SH3GL2: variants seen among roughly 807,000 people sequenced by gnomAD.
SH3GL2 encodes the protein SH3 domain containing GRB2 like 2, endophilin A1, also known as endophilin-A1.
Under a neutral mutation model 46.0 loss-of-function variants are expected in SH3GL2, and 24 were observed. The ratio of observed to expected loss-of-function variants is 0.52; its 90% CI spans 0.38 to 0.73. The LOEUF is 0.73. SH3GL2 is among the 30% of genes least tolerant of loss of function. The pLI is 0.00. For missense variants in SH3GL2, 413 were observed against 424.2 expected (o/e 0.97, Z 0.23); for synonymous variants, 196 against 147.1 (o/e 1.33, Z -2.40).
intron 3 of SH3GL2, among the ~76,000 whole-genome samples, chr9:17,772,616 T>G (rs1469053871): frequency 1.3e-5 from 2 of 152,218 alleles, no homozygotes. Context: ...TGTGACGGCT[T>G]TATTTCACTT....
intron 1 of SH3GL2, among the ~76,000 whole-genome samples, chr9:17,594,627 C>G (rs1418845240): frequency 6.6e-6 from 1 of 151,940 alleles, no homozygotes; most frequent in Non-Finnish European, 1.5e-5. Context: ...GCACATGTAT[C>G]CTGGAACTTA....
At chr9:17,722,185 G>T (rs1821911873) in intron 1 of SH3GL2, among the ~76,000 whole-genome samples, 1 of 152,024 alleles carries the variant, frequency 6.6e-6, no homozygotes, top group Non-Finnish European at 1.5e-5. Flanking sequence ...GGCTTTTTGG[G>T]CTTCCTGTCT....
chr9:17,612,123 G>C (rs1381713541), intron 1 of SH3GL2, among the ~76,000 whole-genome samples: 1 of 152,142 alleles, frequency 6.6e-6, no homozygotes, highest in Non-Finnish European at 1.5e-5. Flanking sequence ...TGTCTGTATG[G>C]GGGAAAGTCC....
rs534085666 is a variant in SH3GL2 at position 17,787,619 on chromosome 9, C to T, written c.465+106C>T. 39 of 848,798 alleles carry T rather than the reference C, an allele frequency of 4.6e-5. No homozygotes were observed. In the Middle Eastern group the frequency reaches 1.2e-3, roughly 25 times the overall value. 52.6% of individuals were successfully genotyped at this position (848,798 alleles called of 1,614,324 possible). A position where few individuals can be genotyped will look rare whatever the true frequency, so the allele number is the denominator to read the frequency against. On this transcript the variant is annotated intron_variant, in intron 5 of 8. Transcript: ENST00000380607. Reference sequence around the variant, plus strand: ...TTTAGCTTACCCTGTGTGTTGTCAGCTCTGGGCACGTTAATTACAAAACAA... The same window carrying T: ...TTTAGCTTACCCTGTGTGTTGTCAGTTCTGGGCACGTTAATTACAAAACAA...
rs560060479 is a variant in SH3GL2 at position 17,736,371 on chromosome 9, G to A, written c.46-10695G>A. On this transcript the variant is annotated intron_variant, in intron 1 of 8. Coordinates refer to ENST00000380607, the MANE Select transcript of SH3GL2 (RefSeq NM_003026.5). ...TTGGTCCTAATTTGTCAGTAAACAG[G>A]ACTTTTATTTCCTCCATAGAGAAGT... is the stretch of plus-strand genomic sequence containing the variant. Among the ~76,000 whole-genome samples, 95 of 152,146 alleles carry A rather than the reference G, an allele frequency of 6.2e-4. 1 individual carries two copies. Among genetic ancestry groups the A allele is most frequent in the Middle Eastern group, 3.4e-3 (1 of 294 alleles).
intron 1 of SH3GL2, among the ~76,000 whole-genome samples, chr9:17,688,173 T>G (rs1374016953): frequency 3.3e-5 from 5 of 152,090 alleles, no homozygotes; most frequent in Non-Finnish European, 5.9e-5. Context: ...CATGTCGAGG[T>G]GTACCAAGAT....
chr9:17,622,843 A>C (rs565609596), intron 1 of SH3GL2, among the ~76,000 whole-genome samples: 1 of 152,216 alleles, frequency 6.6e-6, no homozygotes, highest in Admixed American at 6.5e-5. Flanking sequence ...CATGAAAACC[A>C]AGACTCAAAG....
chr9:17,791,276 G>A lies in SH3GL2; in HGVS notation c.670G>A (p.Glu224Lys). Residue 224 changes from glutamate (E) to lysine (K), a missense_variant, in exon 7 of 9, where the codon GAG (glutamate) becomes AAG (lysine). This residue lies in a region of SH3GL2 where 248 missense variants were observed against 215.0 expected (regional missense o/e 1.15). Transcript: ENST00000380607. ...CTCTGCACTTGTGCAAGCTCAGCTG[G>A]AGTACCACAAGCAGGCAGTCCAGAT... Reference protein sequence around the residue: ...QLSALVQAQLEYHKQAVQILQ... With the variant: ...QLSALVQAQLKYHKQAVQILQ... 6.2e-7 allele frequency: 1 copy of A among 1,613,780 alleles called. No individual in the cohort carries two copies. Among genetic ancestry groups the A allele is most frequent in the South Asian group, 1.1e-5 (1 of 91,062 alleles).
chr9:17,707,358 A>G (rs928038558), intron 1 of SH3GL2, among the ~76,000 whole-genome samples: 10 of 151,936 alleles, frequency 6.6e-5, no homozygotes, highest in African/African-American at 1.9e-4. Context: ...CTCACTAGCT[A>G]TCTTCTAGGT....
chr9:17,634,327 A>G (rs899764100), intron 1 of SH3GL2, among the ~76,000 whole-genome samples: 1 of 152,226 alleles, frequency 6.6e-6, no homozygotes, highest in Non-Finnish European at 1.5e-5. Flanking sequence ...ACTATGAGAA[A>G]TCAGAAAAAT....
At chr9:17,629,223 A>G (rs1168077468) in intron 1 of SH3GL2, among the ~76,000 whole-genome samples, 2 of 152,224 alleles carry the variant, frequency 1.3e-5, no homozygotes, top group Non-Finnish European at 2.9e-5. Context: ...TTGTGTAGTC[A>G]TTAAACAAAG....
At chr9:17,733,593 C>T (rs1822242047) in intron 1 of SH3GL2, among the ~76,000 whole-genome samples, 1 of 150,516 alleles carries the variant, frequency 6.6e-6, no homozygotes, top group South Asian at 2.2e-4. Flanking sequence ...CTAGAAATAC[C>T]ATTTGACCCA....
intron 1 of SH3GL2, among the ~76,000 whole-genome samples, chr9:17,703,285 C>G (rs1821382066): frequency 6.6e-6 from 1 of 151,958 alleles, no homozygotes; most frequent in Non-Finnish European, 1.5e-5. Flanking sequence ...GAGTGAATCT[C>G]TTTTCATAAA....
intron 1 of SH3GL2, among the ~76,000 whole-genome samples, chr9:17,698,306 A>G (rs11789011): frequency 0.076 from 11,583 of 152,152 alleles, 622 homozygotes; most frequent in Admixed American, 0.14. Flanking sequence ...GGTCCAAGCC[A>G]TATTGTCAGT....
chr9:17,789,991 A>G (rs1563855628), intron 6 of SH3GL2, among the ~76,000 whole-genome samples: 1 of 152,306 alleles, frequency 6.6e-6, no homozygotes, highest in South Asian at 2.1e-4. Context: ...GGGAAGATAA[A>G]GGATATTTCT....
intron 1 of SH3GL2, among the ~76,000 whole-genome samples, chr9:17,617,615 T>G (rs1430466088): frequency 6.6e-6 from 1 of 152,210 alleles, no homozygotes; most frequent in African/African-American, 2.4e-5. Flanking sequence ...TGTTAACATC[T>G]TTCGAGACAG....
intron 1 of SH3GL2, among the ~76,000 whole-genome samples, chr9:17,605,874 G>A (rs146750627): frequency 9.3e-4 from 141 of 152,188 alleles, no homozygotes; most frequent in African/African-American, 3.3e-3. Flanking sequence ...ATGCCTTCCT[G>A]TATGGGTGTG....
chr9:17,772,729 A>G (rs1424274701), intron 3 of SH3GL2, among the ~76,000 whole-genome samples: 1 of 152,316 alleles, frequency 6.6e-6, no homozygotes, highest in East Asian at 1.9e-4. Flanking sequence ...TGCAATTTTT[A>G]TATAGATTCA....
intron 3 of SH3GL2, among the ~76,000 whole-genome samples, chr9:17,779,650 A>G (rs1385137699): frequency 6.6e-6 from 1 of 152,194 alleles, no homozygotes; most frequent in Non-Finnish European, 1.5e-5. Context: ...AACCACTGGA[A>G]GAAAACTGTT....
Sources: allele counts gnomAD v4.1 joint callset (sites outside exome capture counted in the v4.1 genomes callset), GRCh38; gene constraint gnomAD v4.1.1; regional missense constraint gnomAD v4.1.1; transcripts MANE v1.5; gene names NCBI Gene and HGNC (gene_info 2026-07-23, HGNC 2026-07-21).